The following SIPA1L3 variants were observed in gnomAD, a reference collection of about 807,000 sequenced individuals.
SIPA1L3 encodes the protein signal induced proliferation associated 1 like 3.
In SIPA1L3, 59 loss-of-function variants were observed where a neutral mutation model predicts 150.1. The ratio of observed to expected loss-of-function variants is 0.39; its 90% CI spans 0.32 to 0.49. The LOEUF (loss-of-function observed/expected upper bound fraction) is 0.49. Ranked by LOEUF, SIPA1L3 falls within the 20% of genes least tolerant of loss-of-function variation. SIPA1L3 has a pLI of 0.86. For missense variants in SIPA1L3, 2,211 were observed against 2,489.5 expected (o/e 0.89, Z 2.38); for synonymous variants, 1,070 against 1,077.6 (o/e 0.99, Z 0.14).
Position 37,968,700 on chromosome 19 carries a change from T to C in SIPA1L3, c.-378-60389T>C, listed in dbSNP as rs529109424. ...TTTCTCCTTGATCTCCCAAGTTGGT[T>C]CCAGTCTCAAATTGGTTGTCCTCTG... On this transcript the variant is annotated intron_variant, in intron 1 of 21. Coordinates refer to ENST00000222345, the MANE Select transcript of SIPA1L3 (RefSeq NM_015073.3). Among the ~76,000 whole-genome samples the C allele has an allele frequency of 3.3e-5, 5 of 152,356 alleles. No individual in the cohort carries two copies. The South Asian group carries it at 1.0e-3, about 32-fold the overall frequency.
intron 8 of SIPA1L3, among the ~76,000 whole-genome samples, chr19:38,117,644 A>T (rs974802391): frequency 6.6e-6 from 1 of 151,458 alleles, no homozygotes; most frequent in Non-Finnish European, 1.5e-5. Flanking sequence ...AGCATTACCT[A>T]TGGGGTCCCT....
At chr19:38,079,045 C>A (rs151052044) in intron 2 of SIPA1L3, among the ~76,000 whole-genome samples, 25 of 152,274 alleles carry the variant, frequency 1.6e-4, no homozygotes, top group African/African-American at 5.5e-4. Context: ...ACTAAACGAA[C>A]GTCCTGGACG....
At chr19:38,185,845 G>A (rs1488440816) in intron 16 of SIPA1L3, 1 of 152,148 alleles carries the variant, frequency 6.6e-6, no homozygotes, top group East Asian at 1.9e-4. Context: ...CTCCAAATGA[G>A]GTCACATTTG....
intron 3 of SIPA1L3, among the ~76,000 whole-genome samples, chr19:38,087,270 C>T (rs574786143): frequency 6.6e-6 from 1 of 152,268 alleles, no homozygotes; most frequent in East Asian, 1.9e-4. Flanking sequence ...AGCAACAACC[C>T]CTGTAGCTGC....
At chr19:37,912,378 T>A (rs2046384015) in intron 1 of SIPA1L3, among the ~76,000 whole-genome samples, 1 of 152,208 alleles carries the variant, frequency 6.6e-6, no homozygotes, top group Non-Finnish European at 1.5e-5. Context: ...GCAAATCATG[T>A]GTCCTTCTGA....
chr19:38,036,102 A>G (rs1968777263), intron 2 of SIPA1L3, among the ~76,000 whole-genome samples: 1 of 152,044 alleles, frequency 6.6e-6, no homozygotes, highest in South Asian at 2.1e-4. Flanking sequence ...CATTCCTGAG[A>G]CTTTTCAGCA....
At chr19:37,923,215 G>T (rs942179504) in intron 1 of SIPA1L3, among the ~76,000 whole-genome samples, 1 of 152,152 alleles carries the variant, frequency 6.6e-6, no homozygotes. Flanking sequence ...AACAGGCAAA[G>T]GGCCTAGGAA....
chr19:37,989,041 G>T (rs1967432712), intron 1 of SIPA1L3, among the ~76,000 whole-genome samples: 1 of 152,180 alleles, frequency 6.6e-6, no homozygotes, highest in Non-Finnish European at 1.5e-5. Context: ...CCCTGTTAGA[G>T]CTGGGGCCTT....
chr19:38,202,702 C>G (rs561499548), intron 20 of SIPA1L3, among the ~76,000 whole-genome samples: 1 of 152,336 alleles, frequency 6.6e-6, no homozygotes, highest in African/African-American at 2.4e-5. Flanking sequence ...TCCTTCGTCT[C>G]CTCCTCTGCA....
At chr19:37,982,652 T>C (rs1967231346) in intron 1 of SIPA1L3, among the ~76,000 whole-genome samples, 1 of 152,188 alleles carries the variant, frequency 6.6e-6, no homozygotes, top group African/African-American at 2.4e-5. Context: ...TGGCTCCAGC[T>C]TTTGCAGGCC....
At chr19:37,956,159 T>A (rs923302705) in intron 1 of SIPA1L3, among the ~76,000 whole-genome samples, 2 of 152,092 alleles carry the variant, frequency 1.3e-5, no homozygotes, top group African/African-American at 4.8e-5. Flanking sequence ...CTGGCTGGGG[T>A]CCAGTATTTC....
chr19:38,137,335 C>T (rs571920254), intron 10 of SIPA1L3, among the ~76,000 whole-genome samples: 7 of 152,048 alleles, frequency 4.6e-5, no homozygotes, highest in Non-Finnish European at 8.8e-5. Context: ...ATTATAGGCA[C>T]GTGCCACCAT....
intron 3 of SIPA1L3, among the ~76,000 whole-genome samples, chr19:38,085,297 G>A (rs1368528835): frequency 2.6e-5 from 4 of 151,842 alleles, no homozygotes; most frequent in African/African-American, 4.8e-5. Flanking sequence ...TGGCTAACAC[G>A]GTGAAACCCT....
chr19:38,128,107 T>C (rs992466681), intron 9 of SIPA1L3, among the ~76,000 whole-genome samples: 3 of 132,752 alleles, frequency 2.3e-5, no homozygotes, highest in African/African-American at 8.6e-5. Context: ...CAGGCTGGAG[T>C]GCAGTAGCGT....
chr19:38,015,765 G>T (rs773785960), intron 1 of SIPA1L3, among the ~76,000 whole-genome samples: 2 of 149,456 alleles, frequency 1.3e-5, no homozygotes, highest in African/African-American at 2.5e-5. Context: ...GGTCTCCATG[G>T]TCTTCATGTT....
At chr19:37,913,812 C>T (rs913132768) in intron 1 of SIPA1L3, among the ~76,000 whole-genome samples, 3 of 150,458 alleles carry the variant, frequency 2.0e-5, no homozygotes, top group Admixed American at 2.0e-4. Context: ...GTCAGGAGAT[C>T]GAGACCATCC....
chr19:38,022,782 C>T (rs1295147905), intron 1 of SIPA1L3, among the ~76,000 whole-genome samples: 1 of 152,202 alleles, frequency 6.6e-6, no homozygotes, highest in East Asian at 1.9e-4. Flanking sequence ...AGTAAAATCA[C>T]AACGAAAACC....
chr19:37,938,624 C>CTTTTTTTTTTTTTTTTTTTTTT (rs759856556), intron 1 of SIPA1L3, among the ~76,000 whole-genome samples: 2 of 131,264 alleles, frequency 1.5e-5, no homozygotes. Context: ...TTTCTTTTTT[C>CTTTTTTTTTTTTTTTTTTTTTT]TTTTTTTTTT....
intron 1 of SIPA1L3, among the ~76,000 whole-genome samples, chr19:37,954,115 A>G (rs1328092888): frequency 1.3e-5 from 2 of 152,206 alleles, no homozygotes; most frequent in Non-Finnish European, 2.9e-5. Flanking sequence ...TATTGAGTAA[A>G]GTACACAGAA....
Sources: allele counts gnomAD v4.1 joint callset (sites outside exome capture counted in the v4.1 genomes callset), GRCh38; gene constraint gnomAD v4.1.1; transcripts MANE v1.5; gene names NCBI Gene and HGNC (gene_info 2026-07-23, HGNC 2026-07-21).